CDK19: variants seen among roughly 807,000 people sequenced by gnomAD.
The protein encoded by CDK19 is cyclin dependent kinase 19.
A neutral mutation model predicts 68.3 loss-of-function variants in CDK19; 20 were observed. The ratio of observed to expected loss-of-function variants is 0.29; its 90% confidence interval spans 0.21 to 0.43. CDK19 has a LOEUF of 0.43. CDK19 is among the 20% of genes least tolerant of loss of function. The pLI is 1.00. For missense variants in CDK19, 339 were observed against 623.5 expected, an observed-to-expected ratio of 0.54 and a Z score of 4.86; for synonymous variants, 221 against 222.8, an observed-to-expected ratio of 0.99 and a Z score of 0.07.
chr6:110,623,897 GTATATATATATACGTA>G (rs1778910559), intron 8 of CDK19, among the ~76,000 whole-genome samples: 1 of 144,310 alleles, frequency 6.9e-6, no homozygotes, highest in Non-Finnish European at 1.5e-5. Flanking sequence ...ATATGTGTGT[GTATATATATATACGTA>G]TATATATATA....
chr6:110,698,698 C>T (rs1262012069), intron 2 of CDK19, among the ~76,000 whole-genome samples: 1 of 152,162 alleles, frequency 6.6e-6, no homozygotes, highest in Non-Finnish European at 1.5e-5. Context: ...AAGGCAGCTG[C>T]ATACATATGT....
chr6:110,723,135 C>CAAAAA (rs760048229), intron 2 of CDK19, among the ~76,000 whole-genome samples: 16 of 65,486 alleles, frequency 2.4e-4, no homozygotes, highest in African/African-American at 5.9e-4. Flanking sequence ...AAGGCTTTGT[C>CAAAAA]AAAAAAAACA....
At chr6:110,620,120 A>T (rs1398322214) in intron 12 of CDK19, among the ~76,000 whole-genome samples, 2 of 151,774 alleles carry the variant, frequency 1.3e-5, no homozygotes, top group East Asian at 3.9e-4. Context: ...AGTATTATGT[A>T]CTCTTCTGCT....
intron 2 of CDK19, among the ~76,000 whole-genome samples, chr6:110,733,885 G>C (rs963935558): frequency 2.6e-5 from 4 of 151,934 alleles, no homozygotes; most frequent in South Asian, 4.1e-4. Flanking sequence ...TGATTTTCCG[G>C]TATAATGGAT....
intron 1 of CDK19, among the ~76,000 whole-genome samples, chr6:110,797,790 G>A (rs3021296): frequency 0.012 from 1,850 of 152,182 alleles, 28 homozygotes; most frequent in African/African-American, 0.042. Context: ...TTCGAGACCA[G>A]GCTGGCCAAC....
Position 110,731,122 on chromosome 6 carries a change from AAAG to A in CDK19, c.204+15001_204+15003del, listed in dbSNP as rs1395647211. Among the ~76,000 whole-genome samples, 222 of 150,942 alleles carry A rather than the reference AAAG, an allele frequency of 1.5e-3. 1 individual carries two copies. The highest frequency in any genetic ancestry group is 5.3e-3 in the African/African-American group (215 of 40,712). On this transcript the variant is annotated intron_variant, in intron 2 of 12. Transcript: ENST00000368911. ...AAAGAAAAGAAAAGAAAGGAAAAGA[AAAG>A]AAAAGAAAAGAAAAAAGAAAAGAAA...
chr6:110,814,471 C>G (rs1328055277), intron 1 of CDK19: 2 of 371,398 alleles, frequency 5.4e-6, no homozygotes. Context: ...GGGCGGAGAT[C>G]GCTGCTGGGG....
intron 4 of CDK19, among the ~76,000 whole-genome samples, chr6:110,655,893 T>C (rs1781283012): frequency 6.6e-6 from 1 of 152,230 alleles, no homozygotes; most frequent in African/African-American, 2.4e-5. Context: ...ACAGGACAAC[T>C]AAGATCCACC....
At chr6:110,757,540 A>T (rs926179426) in intron 1 of CDK19, among the ~76,000 whole-genome samples, 3 of 152,238 alleles carry the variant, frequency 2.0e-5, no homozygotes, top group Non-Finnish European at 1.5e-5. Flanking sequence ...AATTTACATA[A>T]TATTATTATG....
At chr6:110,749,072 G>A (rs528229871) in intron 1 of CDK19, among the ~76,000 whole-genome samples, 5 of 152,208 alleles carry the variant, frequency 3.3e-5, no homozygotes, top group South Asian at 2.1e-4. Context: ...CTACATTTTC[G>A]TGTATATTAG....
In CDK19 at chr6:110,705,434, G is replaced by A. The variant is rs181135543; in HGVS notation, c.205-34893C>T. ...GGTTATCTGGATCTGAAGCTCAGGA[G>A]AGAGTGCTCAACTGCAGGTAAAGAA... On this transcript the variant is annotated intron_variant, in intron 2 of 12. Coordinates refer to ENST00000368911, the MANE Select transcript of CDK19 (RefSeq NM_015076.5). 2.0e-3 allele frequency among the ~76,000 whole-genome samples: 311 copies of A among 152,334 alleles called. 1 individual carries two copies. The highest frequency in any genetic ancestry group is 7.2e-3 in the African/African-American group (300 of 41,582).
chr6:110,786,627 A>T (rs1781242727), intron 1 of CDK19, among the ~76,000 whole-genome samples: 1 of 151,988 alleles, frequency 6.6e-6, no homozygotes, highest in Non-Finnish European at 1.5e-5. Context: ...AGGTCTTATG[A>T]CCCACTGATC....
At chr6:110,631,989 C>A in intron 6 of CDK19, 41 bp downstream of exon 6, 1 of 1,542,592 alleles carries the variant, frequency 6.5e-7, no homozygotes, top group South Asian at 1.2e-5. Context: ...TATTTATGAT[C>A]GTTAGATGAC....
intron 1 of CDK19, among the ~76,000 whole-genome samples, chr6:110,768,900 C>G (rs1033216859): frequency 1.3e-5 from 2 of 152,156 alleles, no homozygotes; most frequent in South Asian, 2.1e-4. Flanking sequence ...AGCCTGTAAT[C>G]CTAGCACTTT....
At chr6:110,768,534 A>G (rs12194649) in intron 1 of CDK19, among the ~76,000 whole-genome samples, 5,275 of 152,338 alleles carry the variant, frequency 0.035, 123 homozygotes, top group Middle Eastern at 0.078. Context: ...GTCCAGAAAT[A>G]GAACATTATT....
intron 2 of CDK19, among the ~76,000 whole-genome samples, chr6:110,722,735 A>C (rs1351135893): frequency 6.6e-6 from 1 of 151,928 alleles, no homozygotes; most frequent in Non-Finnish European, 1.5e-5. Context: ...GCATGGTGGC[A>C]CATGCCTGTA....
At chr6:110,713,472 T>C (rs1431255345) in intron 2 of CDK19, among the ~76,000 whole-genome samples, 2 of 44,518 alleles carry the variant, frequency 4.5e-5, no homozygotes, top group African/African-American at 7.6e-5. Context: ...AGTGATCCTC[T>C]TGTCTCAAAA....
At chr6:110,663,083 T>A (rs1452499296) in intron 4 of CDK19, among the ~76,000 whole-genome samples, 5 of 152,186 alleles carry the variant, frequency 3.3e-5, no homozygotes, top group Non-Finnish European at 7.4e-5. Flanking sequence ...TACTTTAAAT[T>A]TTTTATATTA....
At chr6:110,670,740 T>C (rs746071564) in intron 2 of CDK19, 199 bp from the exon 3 acceptor site, 9 of 648,566 alleles carry the variant, frequency 1.4e-5, no homozygotes, top group Admixed American at 9.1e-5. Context: ...TTCCAATCCT[T>C]TTTCTATGTG....
Sources: allele counts gnomAD v4.1 joint callset (sites outside exome capture counted in the v4.1 genomes callset), GRCh38; gene constraint gnomAD v4.1.1; transcripts MANE v1.5; gene names NCBI Gene and HGNC (gene_info 2026-07-23, HGNC 2026-07-21).